The following SYBU variants were observed in gnomAD, a reference collection of about 807,000 sequenced individuals.
SYBU encodes syntabulin.
A neutral mutation model predicts 35.9 loss-of-function variants in SYBU; 21 were observed. That is an observed-to-expected ratio of 0.58 (90% CI 0.41 to 0.84). The LOEUF (loss-of-function observed/expected upper bound fraction) is 0.84. Among genes scored for constraint, SYBU ranks in the 40% least tolerant of loss-of-function variants. SYBU has a pLI of 0.00. For synonymous variants in SYBU, 319 were observed against 324.3 expected (o/e 0.98, Z 0.18); for missense variants, 768 against 848.2 (o/e 0.91, Z 1.17).
intron 2 of SYBU, among the ~76,000 whole-genome samples, chr8:109,641,215 G>A (rs140430742): frequency 6.6e-6 from 1 of 152,320 alleles, no homozygotes; most frequent in East Asian, 1.9e-4. Flanking sequence ...TCTGTCAAAT[G>A]ATAATGGTGG....
chr8:109,672,887 T>A (rs992955753), intron 1 of SYBU, among the ~76,000 whole-genome samples: 1 of 152,128 alleles, frequency 6.6e-6, no homozygotes, highest in Non-Finnish European at 1.5e-5. Context: ...TAGGTGATTT[T>A]CCCCACACAG....
intron 2 of SYBU, among the ~76,000 whole-genome samples, chr8:109,632,895 ATTCCT>A (rs1813800651): frequency 6.6e-6 from 1 of 152,204 alleles, no homozygotes; most frequent in Non-Finnish European, 1.5e-5. Context: ...TGGAATATGC[ATTCCT>A]TGAGGGCAGG....
chr8:109,591,022 T>C (rs767834554), intron 3 of SYBU, among the ~76,000 whole-genome samples: 96 of 152,194 alleles, frequency 6.3e-4, no homozygotes, highest in Non-Finnish European at 9.8e-4. Context: ...AAGAAAACTG[T>C]ACTGCTAGGA....
At chr8:109,651,314 C>A (rs993103099) in intron 1 of SYBU, among the ~76,000 whole-genome samples, 3 of 152,136 alleles carry the variant, frequency 2.0e-5, no homozygotes, top group Non-Finnish European at 4.4e-5. Context: ...ACCAGCTTGC[C>A]ATAATGTGAA....
At chr8:109,627,540 T>C in intron 2 of SYBU, among the ~76,000 whole-genome samples, 1 of 152,154 alleles carries the variant, frequency 6.6e-6, no homozygotes, top group East Asian at 1.9e-4. Flanking sequence ...GTTGGGAAAA[T>C]GGAGGCTCAG....
intron 3 of SYBU, among the ~76,000 whole-genome samples, chr8:109,592,054 T>G (rs1256971357): frequency 6.6e-6 from 1 of 152,010 alleles, no homozygotes; most frequent in African/African-American, 2.4e-5. Context: ...AGGTGAAACA[T>G]GCAAAGAAAT....
intron 4 of SYBU, among the ~76,000 whole-genome samples, chr8:109,585,119 A>G (rs1823465256): frequency 6.6e-6 from 1 of 152,150 alleles, no homozygotes; most frequent in Admixed American, 6.5e-5. Flanking sequence ...TCCTACTACA[A>G]TGAATATAAT....
intron 1 of SYBU, among the ~76,000 whole-genome samples, chr8:109,678,487 C>T (rs1331948953): frequency 7.9e-6 from 1 of 125,874 alleles, no homozygotes; most frequent in Non-Finnish European, 1.6e-5. Flanking sequence ...GTAGCCCAAG[C>T]TGGAATGCAG....
chr8:109,586,990 TC>T (rs1218904694), intron 3 of SYBU, among the ~76,000 whole-genome samples: 2 of 152,088 alleles, frequency 1.3e-5, no homozygotes, highest in Admixed American at 1.3e-4. Flanking sequence ...ATGGAAACAT[TC>T]CCATACACTG....
intron 1 of SYBU, among the ~76,000 whole-genome samples, chr8:109,660,496 A>G (rs1422198692): frequency 1.3e-5 from 2 of 152,198 alleles, no homozygotes; most frequent in Non-Finnish European, 2.9e-5. Context: ...ATGAAAATAT[A>G]TTTCCAAGTA....
rs1817645546 is a variant in SYBU at position 109,691,496 on chromosome 8, G to T, written c.-221C>A. 1 of 513,810 alleles carries T rather than the reference G, an allele frequency of 1.9e-6. No homozygotes were observed. The allele number at this position is 513,810 out of a possible 1,614,324, so 31.8% of individuals were successfully genotyped here. On this transcript the variant is annotated 5_prime_UTR_variant, in exon 1 of 8. Coordinates refer to the SYBU transcript ENST00000422135. This position sits in a 1 kb window ranked among gnomAD's most constrained non-coding sequence, Gnocchi z 4.7. ...GAGCCGGGCCCGGCCCGCTCCGCCC[G>T]CCTTAGCCCGGCTTGGACACGTGGT...
chr8:109,630,601 G>A lies in SYBU; in HGVS notation c.230-11562C>T, dbSNP rs928549864. Among the ~76,000 whole-genome samples the A allele has an allele frequency of 9.9e-5, 15 of 152,256 alleles. No individual in the cohort carries two copies. The South Asian group carries it at 1.0e-3, about 11-fold the overall frequency. ...ACTGAAAGCATTTATTTACAGTAAC[G>A]AAAAATGGGAAAGGATCAATAATGC... On this transcript the variant is annotated intron_variant, in intron 2 of 6. Transcript: ENST00000276646.
At position 109,575,274 on chromosome 8, in the gene SYBU, C is replaced by CA; in HGVS notation, c.1623dup (p.Asp542Ter). On this transcript the variant is annotated frameshift_variant, in exon 7 of 7. Coordinates refer to ENST00000276646, the MANE Select transcript of SYBU (RefSeq NM_001099754.2). LOFTEE classifies it low-confidence loss of function (END_TRUNC). ...GAGTTTGGATTTCTTGGAGTTAAAT[C>CA]AACCACTAAGGCAGAGAGGGACTCT... is the stretch of plus-strand genomic sequence containing the variant. 1 of 1,614,192 alleles carries CA rather than the reference C, an allele frequency of 6.2e-7. No individual in the cohort carries two copies. The highest frequency in any genetic ancestry group is 8.5e-7 in the Non-Finnish European group (1 of 1,180,040).
At chr8:109,662,241 C>T (rs1411878101) in intron 1 of SYBU, among the ~76,000 whole-genome samples, 1 of 152,138 alleles carries the variant, frequency 6.6e-6, no homozygotes, top group East Asian at 1.9e-4. Context: ...AAAATGGGGG[C>T]ACTATTGTTA....
intron 3 of SYBU, among the ~76,000 whole-genome samples, chr8:109,613,822 T>C (rs1326054006): frequency 6.6e-6 from 1 of 152,224 alleles, no homozygotes; most frequent in Admixed American, 6.5e-5. Context: ...ACCTTGTTGG[T>C]GCCTTTTGAG....
intron 1 of SYBU, among the ~76,000 whole-genome samples, chr8:109,663,890 G>A (rs1816663866): frequency 6.6e-6 from 1 of 152,106 alleles, no homozygotes; most frequent in Admixed American, 6.5e-5. Context: ...AAACTTAAAA[G>A]TATTGTGCAA....
intron 6 of SYBU, 23 bp from the exon 7 acceptor site, chr8:109,576,036 G>C: frequency 1.6e-6 from 1 of 613,586 alleles, no homozygotes; most frequent in Non-Finnish European, 2.4e-6. Flanking sequence ...GACAAGCATG[G>C]TTAATTAAAA....
intron 4 of SYBU, among the ~76,000 whole-genome samples, chr8:109,585,113 A>T (rs1253801227): frequency 6.6e-6 from 1 of 152,186 alleles, no homozygotes; most frequent in Non-Finnish European, 1.5e-5. Flanking sequence ...TTCTTGTCCT[A>T]CTACAATGAA....
chr8:109,611,847 C>A (rs975415597), intron 3 of SYBU, among the ~76,000 whole-genome samples: 1 of 152,106 alleles, frequency 6.6e-6, no homozygotes, highest in African/African-American at 2.4e-5. Context: ...TACTTCATTG[C>A]AGTTACATTG....
Sources: gnomAD v4.1 joint callset for allele counts (sites outside exome capture counted in the v4.1 genomes callset) on GRCh38, gnomAD v4.1.1 for gene constraint, Gnocchi (gnomAD v3.1) non-coding constraint, MANE v1.5 for transcripts, NCBI Gene and HGNC (gene_info 2026-07-23, HGNC 2026-07-21) for gene names.